NR2F1-AS1: variants seen among roughly 807,000 people sequenced by gnomAD.
NR2F1-AS1 encodes the protein NR2F1 antisense RNA 1.
At chr5:93,434,053 C>T (rs996209900) in intron 4 of NR2F1-AS1, among the ~76,000 whole-genome samples, 2 of 152,006 alleles carry the variant, frequency 1.3e-5, no homozygotes, top group African/African-American at 4.8e-5. Context: ...TCAATATTTA[C>T]CAATAATATC....
At chr5:93,575,515 A>G (rs534135122) in intron 1 of NR2F1-AS1, among the ~76,000 whole-genome samples, 1 of 152,272 alleles carries the variant, frequency 6.6e-6, no homozygotes, top group African/African-American at 2.4e-5. Context: ...TATTTATTGT[A>G]TTTTAACCAA....
At chr5:93,467,887 T>G (rs775436198) in intron 4 of NR2F1-AS1, among the ~76,000 whole-genome samples, 5 of 152,226 alleles carry the variant, frequency 3.3e-5, no homozygotes, top group Non-Finnish European at 7.3e-5. Context: ...AACTCCCACC[T>G]ATGAGTGAGA....
At chr5:93,440,692 T>C (rs149440978) in intron 4 of NR2F1-AS1, among the ~76,000 whole-genome samples, 129 of 152,322 alleles carry the variant, frequency 8.5e-4, no homozygotes, top group African/African-American at 3.0e-3. Context: ...CTACATCTTA[T>C]TGGTTCTGTT....
chr5:93,426,874 A>G (rs1428097164), intron 4 of NR2F1-AS1, among the ~76,000 whole-genome samples: 1 of 152,156 alleles, frequency 6.6e-6, no homozygotes, highest in Non-Finnish European at 1.5e-5. Flanking sequence ...AGATCCAACC[A>G]AGTAATAAAA....
chr5:93,472,983 T>C (rs1021938389), intron 4 of NR2F1-AS1, among the ~76,000 whole-genome samples: 31 of 151,930 alleles, frequency 2.0e-4, no homozygotes, highest in African/African-American at 7.5e-4. Flanking sequence ...TTGCCTATTT[T>C]TACCAATATA....
intron 4 of NR2F1-AS1, among the ~76,000 whole-genome samples, chr5:93,474,285 CAT>C (rs1353570127): frequency 6.6e-6 from 1 of 152,150 alleles, no homozygotes; most frequent in East Asian, 1.9e-4. Context: ...ATTCTAATAA[CAT>C]GTCAATAACT....
Position 93,451,671 on chromosome 5 carries a change from C to T in NR2F1-AS1, n.639-56129G>A, listed in dbSNP as rs187743449. Among the ~76,000 whole-genome samples, 28 of 152,212 alleles carry T rather than the reference C, an allele frequency of 1.8e-4. No individual in the cohort carries two copies. In the East Asian group the frequency reaches 2.1e-3, roughly 12 times the overall value. The stretch of plus-strand genomic sequence containing the variant: ...GTCCACCTTGGCCTCCCAAAGTACT[C>T]GGATTATAGATGTGAACAACTGCAC... On this transcript the variant is annotated intron_variant and non_coding_transcript_variant, in intron 4 of 5. Transcript: ENST00000660523.
At chr5:93,485,009 A>T (rs572682393) in intron 4 of NR2F1-AS1, among the ~76,000 whole-genome samples, 1 of 152,288 alleles carries the variant, frequency 6.6e-6, no homozygotes, top group East Asian at 1.9e-4. Flanking sequence ...CCACACAATA[A>T]TACTGGGAGA....
intron 4 of NR2F1-AS1, among the ~76,000 whole-genome samples, chr5:93,512,412 T>C (rs557024339): frequency 1.8e-4 from 28 of 152,322 alleles, no homozygotes; most frequent in Middle Eastern, 6.8e-3. Flanking sequence ...TCAAAATGTT[T>C]TTAAAAAGTT....
chr5:93,412,588 C>G (rs1748879401), intron 4 of NR2F1-AS1, among the ~76,000 whole-genome samples: 1 of 152,222 alleles, frequency 6.6e-6, no homozygotes, highest in Non-Finnish European at 1.5e-5. Context: ...AACATGTTGG[C>G]TCAATCCTCA....
At position 93,467,206 on chromosome 5, in the gene NR2F1-AS1, C is replaced by A. The variant is rs554780615; in HGVS notation, n.639-71664G>T. Among the ~76,000 whole-genome samples the A allele has an allele frequency of 3.5e-4, 53 of 152,196 alleles. 1 individual carries two copies. Among genetic ancestry groups the A allele is most frequent in the Middle Eastern group, 6.8e-3 (2 of 294 alleles). On this transcript the variant is annotated intron_variant and non_coding_transcript_variant, in intron 4 of 5. Coordinates refer to ENST00000660523, the Ensembl canonical transcript of NR2F1-AS1. ...CAATATCGTGAAAATGTCCATATTG[C>A]CCAAAGTAATTTATAAATTCAGTGT...
chr5:93,500,406 C>T (rs886634314), intron 4 of NR2F1-AS1, among the ~76,000 whole-genome samples: 2 of 151,938 alleles, frequency 1.3e-5, no homozygotes, highest in African/African-American at 2.4e-5. Context: ...GATGACAGTA[C>T]ATCTGTTTAC....
chr5:93,465,493 C>T (rs1750209051), intron 4 of NR2F1-AS1, among the ~76,000 whole-genome samples: 1 of 152,094 alleles, frequency 6.6e-6, no homozygotes, highest in Admixed American at 6.5e-5. Context: ...TAAATTAGTT[C>T]AACTATTGTG....
At position 93,575,884 on chromosome 5, in the gene NR2F1-AS1, G is replaced by A. The variant is rs1030474358; in HGVS notation, n.313+4583C>T. ...GGGTAAAATAACCTACCTAATCATC[G>A]CCCCCCATGTATGGGAAATATTGAC... On this transcript the variant is annotated intron_variant and non_coding_transcript_variant, in intron 1 of 5. Transcript: ENST00000660523. 5.3e-5 allele frequency among the ~76,000 whole-genome samples: 8 copies of A among 152,014 alleles called. No individual in the cohort carries two copies. The South Asian group carries it at 1.2e-3, about 24-fold the overall frequency.
chr5:93,500,471 A>G (rs74921061), intron 4 of NR2F1-AS1, among the ~76,000 whole-genome samples: 1 of 145,472 alleles, frequency 6.9e-6, no homozygotes, highest in Non-Finnish European at 1.5e-5. Context: ...GCTCAGGGGA[A>G]AAAAAAAAAG....
At chr5:93,479,285 G>A (rs1750551647) in intron 4 of NR2F1-AS1, among the ~76,000 whole-genome samples, 2 of 152,106 alleles carry the variant, frequency 1.3e-5, no homozygotes, top group South Asian at 4.1e-4. Context: ...GTACAGAGAT[G>A]GTTCAACCAT....
rs533531546 is a variant in NR2F1-AS1 at position 93,421,358 on chromosome 5, T to C, written n.639-25816A>G. Among the ~76,000 whole-genome samples the C allele has an allele frequency of 2.0e-5, 3 of 150,816 alleles. No individual in the cohort carries two copies. In the South Asian group the frequency reaches 6.2e-4, roughly 31 times the overall value. On this transcript the variant is annotated intron_variant and non_coding_transcript_variant, in intron 4 of 5. Coordinates refer to ENST00000660523, the Ensembl canonical transcript of NR2F1-AS1. The stretch of plus-strand genomic sequence containing the variant: ...AAGGCTTCTTCTGGTAAACAGATTC[T>C]TTTGAGTTAAAAAAAAAAAAAAGAG...
intron 1 of NR2F1-AS1, chr5:93,571,445 C>T (rs892597607): frequency 6.7e-6 from 1 of 148,606 alleles, no homozygotes; most frequent in Admixed American, 6.8e-5. Context: ...AGCAGAAGAA[C>T]GACACTAGAT....
At chr5:93,436,860 T>A (rs927469076) in intron 4 of NR2F1-AS1, among the ~76,000 whole-genome samples, 9 of 151,986 alleles carry the variant, frequency 5.9e-5, no homozygotes, top group African/African-American at 2.2e-4. Context: ...GTCCACTTAG[T>A]GAAATCCTGG....
Sources: gnomAD v4.1 joint callset for allele counts (sites outside exome capture counted in the v4.1 genomes callset) on GRCh38, gnomAD v4.1.1 for gene constraint, MANE v1.5 for transcripts, NCBI Gene and HGNC (gene_info 2026-07-23, HGNC 2026-07-21) for gene names.